Variants in PRRC2B observed in about 807,000 individuals in gnomAD.
PRRC2B encodes proline rich coiled-coil 2B, also known as protein PRRC2B.
In PRRC2B, 68 loss-of-function variants were observed where a neutral mutation model predicts 242.3. The observed-to-expected ratio is 0.28, with a 90% confidence interval of 0.23 to 0.34. PRRC2B has a LOEUF of 0.34. Ranked by LOEUF, PRRC2B falls within the 10% of genes least tolerant of loss-of-function variation. The pLI, the probability that PRRC2B is intolerant of heterozygous loss-of-function variation, is 1.00. For synonymous variants in PRRC2B, 1,228 were observed against 1,173.6 expected (o/e 1.05, Z -0.95); for missense variants, 2,835 against 2,954.8 (o/e 0.96, Z 0.94).
intron 1 of PRRC2B, among the ~76,000 whole-genome samples, chr9:131,409,250 G>C (rs1027814685): frequency 6.6e-6 from 1 of 152,106 alleles, no homozygotes; most frequent in South Asian, 2.1e-4. Flanking sequence ...TCGAACTCCC[G>C]ACCTCAGGTG....
intron 3 of PRRC2B, among the ~76,000 whole-genome samples, chr9:131,435,613 TAA>T (rs66831387): frequency 0.034 from 4,852 of 144,110 alleles, 89 homozygotes; most frequent in Admixed American, 0.069. Context: ...AGACTCCATC[TAA>T]AAAAAAAAAA....
In PRRC2B at chr9:131,491,583, A is replaced by G. The variant is rs1944196591; in HGVS notation, c.6381+3A>G. ...CAGTCCTGAACACCAGCAGAGAGGT[A>G]AGGGGACCCCATCTGCCTCTGACCC... On this transcript the variant is annotated splice_donor_region_variant and intron_variant, in intron 29 of 31. Transcript: ENST00000683519. 1.9e-6 allele frequency: 3 copies of G among 1,607,210 alleles called. No homozygotes were observed. Among genetic ancestry groups the G allele is most frequent in the Middle Eastern group, 1.7e-4 (1 of 6,022 alleles).
In PRRC2B at chr9:131,475,791, C is replaced by G; in HGVS notation, c.3662C>G (p.Ser1221Cys). 1 of 1,613,256 alleles carries G rather than the reference C, an allele frequency of 6.2e-7. No homozygotes were observed. Among genetic ancestry groups the G allele is most frequent in the East Asian group, 2.2e-5 (1 of 44,836 alleles). Reference sequence around the variant, plus strand: ...GGGTATGGACGGAGAACCTTCGTCTCCAAAGAGTCACCCCACTGGCAGAGC... The same window carrying G: ...GGGTATGGACGGAGAACCTTCGTCTGCAAAGAGTCACCCCACTGGCAGAGC... ...NCGYGRRTFVSKESPHWQSKS... is the reference protein window; with the variant it reads ...NCGYGRRTFVCKESPHWQSKS... The change falls in exon 16 of 32, where the codon TCC becomes TGC. Residue 1221 changes from serine to cysteine, a missense_variant. Physicochemically the swap from Ser to Cys is moderately radical, Grantham distance 112. Around this residue, in one of 7 missense-constraint regions of PRRC2B, gnomAD observed 1,536 missense variants for 1,483.1 expected, o/e 1.04. Transcript: ENST00000683519.
At chr9:131,485,227 G>T in intron 25 of PRRC2B, 87 bp downstream of exon 25, 5 of 1,152,662 alleles carry the variant, frequency 4.3e-6, no homozygotes, top group Non-Finnish European at 6.0e-6. Flanking sequence ...GTCACCTCCT[G>T]GCCTTGTCTT....
At chr9:131,466,624 C>T (rs201968123) in intron 12 of PRRC2B, among the ~76,000 whole-genome samples, 1 of 147,810 alleles carries the variant, frequency 6.8e-6, no homozygotes, top group Non-Finnish European at 1.5e-5. Context: ...TCTATCAGTC[C>T]TTTTTTTTTT....
At chr9:131,448,543 C>CAGAAAAAAAAAAAAAA (rs1838884232) in intron 9 of PRRC2B, among the ~76,000 whole-genome samples, 4 of 39,872 alleles carry the variant, frequency 1.0e-4, no homozygotes, top group Non-Finnish European at 2.1e-4. Context: ...GACACTGTCT[C>CAGAAAAAAAAAAAAAA]AAAAAAAAAA....
In PRRC2B at chr9:131,394,961, T is replaced by G. The variant is rs569866171; in HGVS notation, c.-52+698T>G. Among the ~76,000 whole-genome samples, 667 of 112,740 alleles carry G rather than the reference T, an allele frequency of 5.9e-3. 9 individuals carry two copies. The highest frequency in any genetic ancestry group is 0.031 in the African/African-American group (642 of 20,780). The allele number at this position is 112,740 out of a possible 152,430, so 74.0% of individuals were successfully genotyped here. ...GCCACTCGGGGCCTGCCAGATGGGG[T>G]TTTTTTTTTTTTCCTCCTCTTTTGC... On this transcript the variant is annotated intron_variant, in intron 1 of 31. Transcript: ENST00000683519.
chr9:131,445,256 G>T (rs904573419), intron 6 of PRRC2B, among the ~76,000 whole-genome samples: 35 of 152,238 alleles, frequency 2.3e-4, no homozygotes, highest in African/African-American at 7.9e-4. Flanking sequence ...CGCCTCCCGG[G>T]TTCAAGTGAT....
chr9:131,453,681 AC>A (rs1326568430), intron 9 of PRRC2B, among the ~76,000 whole-genome samples: 1 of 151,916 alleles, frequency 6.6e-6, no homozygotes, highest in Non-Finnish European at 1.5e-5. Flanking sequence ...ACAGGTGTGC[AC>A]CCCCATGGCT....
chr9:131,440,040 C>G (rs759253645), intron 5 of PRRC2B, among the ~76,000 whole-genome samples: 2 of 152,126 alleles, frequency 1.3e-5, no homozygotes, highest in Non-Finnish European at 2.9e-5. Context: ...GGCGCATGCA[C>G]CACCACGCCT....
intron 12 of PRRC2B, 119 bp from the exon 13 acceptor site, chr9:131,467,444 G>A (rs1046878956): frequency 1.3e-5 from 11 of 876,500 alleles, no homozygotes; most frequent in African/African-American, 6.7e-5. Flanking sequence ...GTTCAGGGAC[G>A]TGACTGTTCT....
chr9:131,430,053 T>G (rs1233350244), intron 1 of PRRC2B, 41 bp from the exon 2 acceptor site: 4 of 657,384 alleles, frequency 6.1e-6, no homozygotes, highest in East Asian at 2.9e-5. Context: ...TTTTTTTTTT[T>G]CTCTCTCTTT....
chr9:131,456,419 C>A lies in PRRC2B; in HGVS notation c.1211+1253C>A, dbSNP rs531704798. The stretch of plus-strand genomic sequence containing the variant: ...GGCCAAGGCGGGCGGATCACGAGGT[C>A]AGGAGATCGAGACCATCCTGGCTAA... On this transcript the variant is annotated intron_variant, in intron 10 of 31. Coordinates refer to ENST00000683519, the MANE Select transcript of PRRC2B (RefSeq NM_013318.4). Among the ~76,000 whole-genome samples, 249 of 152,040 alleles carry A rather than the reference C, an allele frequency of 1.6e-3. 1 individual carries two copies. Among genetic ancestry groups the A allele is most frequent in the African/African-American group, 5.7e-3 (237 of 41,478 alleles).
intron 30 of PRRC2B, among the ~76,000 whole-genome samples, chr9:131,493,084 T>C (rs1944240822): frequency 6.6e-6 from 1 of 152,228 alleles, no homozygotes. Context: ...AGGAGCGCTC[T>C]GCAAGCCGGG....
intron 13 of PRRC2B, 133 bp from the exon 14 acceptor site, chr9:131,470,655 C>A: frequency 1.5e-6 from 1 of 677,696 alleles, no homozygotes; most frequent in Non-Finnish European, 2.5e-6. Context: ...CTGCCCATCC[C>A]TCCCCTCCTT....
Position 131,459,255 on chromosome 9 carries a change from T to G in PRRC2B, c.1303T>G (p.Trp435Gly), listed in dbSNP as rs778791994. The change falls in exon 11 of 32, where the codon TGG becomes GGG. Residue 435 changes from tryptophan (W) to glycine (G), a missense_variant. Physicochemically the swap from Trp to Gly is radical, Grantham distance 184. This residue lies in a region of PRRC2B where 626 missense variants were observed against 685.5 expected (regional missense o/e 0.91). Transcript: ENST00000683519. The stretch of plus-strand genomic sequence containing the variant: ...GCGGACTCGAGAGGAAGGGAAGGAC[T>G]GGGCTGAAGCAGTGGGTGCGTCCCG... ...AKRTREEGKD[W>G]AEAVGASRVV... 7 of 1,613,766 alleles carry G rather than the reference T, an allele frequency of 4.3e-6. No homozygotes were observed. The Admixed American group carries it at 1.2e-4, about 27-fold the overall frequency.
Position 131,479,343 on chromosome 9 carries a change from C to A in PRRC2B, c.4850C>A (p.Thr1617Asn). ...NNLCLEQGDV[T>N]VPGSSLGTEI... is the part of the protein sequence containing the mutation. ...TTATGTCTGGAGCAAGGTGACGTGA[C>A]CGTGCCTGGCAGCAGCCTGGGCACT... The change falls in exon 19 of 32, where the codon ACC (threonine) becomes AAC (asparagine). Residue 1617 changes from threonine to asparagine, a missense_variant. By Grantham distance (65) the Thr-to-Asn change is moderately conservative. Transcript: ENST00000683519. 6.2e-7 allele frequency: 1 copy of A among 1,613,970 alleles called. No individual in the cohort carries two copies. The highest frequency in any genetic ancestry group is 8.5e-7 in the Non-Finnish European group (1 of 1,179,866).
At chr9:131,490,740 CTTG>C (rs1335942389) in intron 28 of PRRC2B, 6 of 380,080 alleles carry the variant, frequency 1.6e-5, no homozygotes, top group Non-Finnish European at 3.2e-5. Flanking sequence ...CCAGCCCAGT[CTTG>C]TTTTTACCAC....
Position 131,467,681 on chromosome 9 carries a change from C to T in PRRC2B, c.1839C>T (p.Ser613=), listed in dbSNP as rs757678105. ...AGGAAGAGGCCAGAGAGGCTGGGTC[C>T]CCTGCACAGGAGTTCAAGTATCAGA... ...SSEEEAREAG[S]PAQEFKYQKS... Residue 613 remains serine (S), a synonymous_variant, in exon 13 of 32, where the codon TCC becomes TCT. Coordinates refer to ENST00000683519, the MANE Select transcript of PRRC2B (RefSeq NM_013318.4). The T allele has an allele frequency of 1.2e-6, 2 of 1,613,974 alleles. No individual in the cohort carries two copies. Among genetic ancestry groups the T allele is most frequent in the East Asian group, 2.2e-5 (1 of 44,890 alleles).
Sources: gnomAD v4.1 joint callset for allele counts (sites outside exome capture counted in the v4.1 genomes callset) on GRCh38, gnomAD v4.1.1 for gene constraint, gnomAD v4.1.1 regional missense constraint, MANE v1.5 for transcripts, NCBI Gene and HGNC (gene_info 2026-07-23, HGNC 2026-07-21) for gene names.